The following NKAIN3 variants were observed in gnomAD, a reference collection of about 807,000 sequenced individuals.
The protein encoded by NKAIN3 is sodium/potassium-transporting ATPase subunit beta-1-interacting protein 3.
Under a neutral mutation model 30.2 loss-of-function variants are expected in NKAIN3, and 25 were observed. That is an observed-to-expected ratio of 0.83 (90% CI 0.60 to 1.16). The LOEUF (loss-of-function observed/expected upper bound fraction) is 1.16. Ranked by LOEUF, NKAIN3 falls within the 50% of genes most tolerant of loss-of-function variation. NKAIN3 has a pLI of 0.00. For missense variants in NKAIN3, 225 were observed against 254.1 expected, an observed-to-expected ratio of 0.89 and a Z score of 0.78; for synonymous variants, 91 against 89.6, an observed-to-expected ratio of 1.02 and a Z score of -0.09.
intron 5 of NKAIN3, among the ~76,000 whole-genome samples, chr8:62,919,378 G>A (rs1003732585): frequency 2.0e-5 from 3 of 151,172 alleles, no homozygotes; most frequent in Admixed American, 6.6e-5. Context: ...CTGAGTGGCT[G>A]GAACTACAGG....
chr8:62,871,402 CAA>C (rs35286231), intron 4 of NKAIN3, among the ~76,000 whole-genome samples: 2 of 34,200 alleles, frequency 5.8e-5, no homozygotes, highest in Admixed American at 2.5e-4. Flanking sequence ...GACTCTGTCT[CAA>C]AAAAAAAAAA....
intron 1 of NKAIN3, among the ~76,000 whole-genome samples, chr8:62,290,164 A>T (rs1222153794): frequency 6.6e-6 from 1 of 152,038 alleles, no homozygotes; most frequent in African/African-American, 2.4e-5. Context: ...GGGTTTTCTA[A>T]ATATACAATC....
At chr8:62,723,313 C>A (rs752369741) in intron 3 of NKAIN3, among the ~76,000 whole-genome samples, 57 of 151,968 alleles carry the variant, frequency 3.8e-4, no homozygotes, top group Non-Finnish European at 6.6e-4. Flanking sequence ...AAAACACACA[C>A]ACAAAAAATT....
chr8:62,782,834 G>A (rs1817394094), intron 4 of NKAIN3, among the ~76,000 whole-genome samples: 1 of 150,694 alleles, frequency 6.6e-6, no homozygotes, highest in Non-Finnish European at 1.5e-5. Context: ...TGGCTAATGG[G>A]TACAAAATGC....
At chr8:62,820,267 A>G (rs187524860) in intron 4 of NKAIN3, among the ~76,000 whole-genome samples, 3 of 152,282 alleles carry the variant, frequency 2.0e-5, no homozygotes, top group African/African-American at 7.2e-5. Flanking sequence ...ATGAGCTGGC[A>G]TCAGGGGAAT....
At chr8:62,401,096 TC>T (rs1369680407) in intron 1 of NKAIN3, among the ~76,000 whole-genome samples, 1 of 151,332 alleles carries the variant, frequency 6.6e-6, no homozygotes, top group Non-Finnish European at 1.5e-5. Context: ...ATCTTCCAGA[TC>T]TTGCATGCAT....
At chr8:62,407,811 G>C (rs949179418) in intron 1 of NKAIN3, among the ~76,000 whole-genome samples, 9 of 152,302 alleles carry the variant, frequency 5.9e-5, no homozygotes, top group African/African-American at 2.2e-4. Flanking sequence ...GTGGGAGGAT[G>C]GTTTGAGGAC....
chr8:62,988,903 T>C (rs932335739), downstream of NKAIN3, among the ~76,000 whole-genome samples: 2 of 152,222 alleles, frequency 1.3e-5, no homozygotes, highest in Admixed American at 6.5e-5. Context: ...TCCTCCTGAA[T>C]GCGTCACCGC....
At chr8:62,360,201 C>T (rs1055461293) in intron 1 of NKAIN3, among the ~76,000 whole-genome samples, 15 of 152,176 alleles carry the variant, frequency 9.9e-5, no homozygotes, top group African/African-American at 2.7e-4. Context: ...CCTGGTTCTT[C>T]CTGTGACTGT....
intron 1 of NKAIN3, among the ~76,000 whole-genome samples, chr8:62,450,888 T>C (rs1585822123): frequency 6.6e-6 from 1 of 152,132 alleles, no homozygotes; most frequent in East Asian, 1.9e-4. Context: ...CACTATAAGC[T>C]TGTGAAAGAG....
intron 1 of NKAIN3, among the ~76,000 whole-genome samples, chr8:62,488,158 C>T (rs1016999235): frequency 1.3e-5 from 2 of 152,170 alleles, no homozygotes; most frequent in Admixed American, 1.3e-4. Context: ...TTGGCTATAA[C>T]CCAATCAAGT....
intron 5 of NKAIN3, among the ~76,000 whole-genome samples, chr8:62,944,105 A>G (rs1394532202): frequency 1.3e-5 from 2 of 152,070 alleles, no homozygotes; most frequent in Non-Finnish European, 2.9e-5. Flanking sequence ...AATCATCACT[A>G]AAGAACTTAC....
chr8:62,772,443 A>G (rs1238386837), intron 4 of NKAIN3, among the ~76,000 whole-genome samples: 5 of 152,164 alleles, frequency 3.3e-5, no homozygotes, highest in African/African-American at 1.2e-4. Flanking sequence ...ACTGATTTAC[A>G]TTCTCACCAA....
chr8:62,930,506 G>A (rs150383281), intron 5 of NKAIN3, among the ~76,000 whole-genome samples: 21 of 151,964 alleles, frequency 1.4e-4, no homozygotes, highest in African/African-American at 3.4e-4. Flanking sequence ...CACCCGCCTC[G>A]GCCTCCCAAA....
intron 3 of NKAIN3, among the ~76,000 whole-genome samples, chr8:62,648,796 GCTGGTTGAGCCA>G (rs1812542682): frequency 6.6e-6 from 1 of 152,164 alleles, no homozygotes; most frequent in Non-Finnish European, 1.5e-5. Context: ...ATGGGTCCAG[GCTGGTTGAGCCA>G]AGGTGCTGGG....
chr8:62,424,661 T>G (rs1585793963), intron 1 of NKAIN3, among the ~76,000 whole-genome samples: 1 of 151,742 alleles, frequency 6.6e-6, no homozygotes, highest in Non-Finnish European at 1.5e-5. Context: ...AACAAGTATT[T>G]AAAAGACAAT....
At chr8:62,694,884 C>T (rs1814103209) in intron 3 of NKAIN3, among the ~76,000 whole-genome samples, 2 of 152,134 alleles carry the variant, frequency 1.3e-5, no homozygotes, top group Non-Finnish European at 2.9e-5. Context: ...TCTGGTCAAT[C>T]CTGCCTTTCT....
chr8:62,628,715 A>C (rs1248682016), intron 3 of NKAIN3, among the ~76,000 whole-genome samples: 1 of 151,966 alleles, frequency 6.6e-6, no homozygotes, highest in Non-Finnish European at 1.5e-5. Context: ...TATCAGTTTC[A>C]TTTGTGTTCC....
intron 3 of NKAIN3, among the ~76,000 whole-genome samples, chr8:62,633,195 G>T (rs1030320101): frequency 6.6e-6 from 1 of 152,066 alleles, no homozygotes; most frequent in African/African-American, 2.4e-5. Flanking sequence ...AAATTAATTC[G>T]CACCTCGCAG....
Sources: gnomAD v4.1 joint callset for allele counts (sites outside exome capture counted in the v4.1 genomes callset) on GRCh38, gnomAD v4.1.1 for gene constraint, MANE v1.5 for transcripts, NCBI Gene and HGNC (gene_info 2026-07-23, HGNC 2026-07-21) for gene names.